ZBTB4: variants seen among roughly 807,000 people sequenced by gnomAD.
The protein encoded by ZBTB4 is zinc finger and BTB domain containing 4, also known as zinc finger and BTB domain-containing protein 4.
In ZBTB4, 14 loss-of-function variants were observed where a neutral mutation model predicts 59.8. That is an observed-to-expected ratio of 0.23 (90% confidence interval 0.15 to 0.37). ZBTB4 has a LOEUF of 0.37. ZBTB4 is among the 10% of genes least tolerant of loss of function. The pLI is 1.00. For missense variants in ZBTB4, 1,198 were observed against 1,380.8 expected (o/e 0.87, Z 2.10); for synonymous variants, 587 against 575.2 (o/e 1.02, Z -0.29).
At chr17:7,467,398 T>C (rs765601454) in intron 1 of ZBTB4, 71 bp from the exon 2 acceptor site, 2 of 387,464 alleles carry the variant, frequency 5.2e-6, no homozygotes, top group South Asian at 2.1e-4. Context: ...AGGAGGGAAG[T>C]GAGAGGAAAA....
Position 7,461,888 on chromosome 17 carries a change from G to A in ZBTB4, c.*52C>T. On this transcript the variant is annotated 3_prime_UTR_variant, in exon 4 of 4. Transcript: ENST00000380599. ...GGGAGGCCAGGGAGCTGGTAGTGGT[G>A]GGGGGTTCAGGGAGGGTGGCATCTG... 2 of 1,459,494 alleles carry A rather than the reference G, an allele frequency of 1.4e-6. No individual in the cohort carries two copies. The highest frequency in any genetic ancestry group is 1.8e-6 in the Non-Finnish European group (2 of 1,084,100). The allele number at this position is 1,459,494 out of a possible 1,614,324, so 90.4% of individuals were successfully genotyped here. A position where few individuals can be genotyped will look rare whatever the true frequency, so the allele number is the denominator to read the frequency against.
chr17:7,481,846 T>C, upstream of ZBTB4: 1 of 1,240,468 alleles, frequency 8.1e-7, no homozygotes, highest in South Asian at 1.6e-5. Context: ...TTAGGCCCTT[T>C]CTAGCTCCGA....
intron 2 of ZBTB4, 173 bp downstream of exon 2, chr17:7,467,084 C>T: frequency 2.3e-6 from 2 of 881,134 alleles, no homozygotes; most frequent in Non-Finnish European, 2.7e-6. Flanking sequence ...TCTGAAGTCA[C>T]AGACTAGAGA....
rs1445135493 is a variant in ZBTB4 at position 7,462,837 on chromosome 17, G to A, written c.2145C>T (p.Ser715=). 2 of 1,603,358 alleles carry A rather than the reference G, an allele frequency of 1.2e-6. No homozygotes were observed. Among genetic ancestry groups the A allele is most frequent in the South Asian group, 1.1e-5 (1 of 91,062 alleles). The stretch of plus-strand genomic sequence containing the variant: ...GCTCTGTGCGGGCACGTCCCGCTGG[G>A]CTCTCGGCCGCTGGGGTTTCCTCCC... ...RSWEETPAAE[S]PAGRARTERR... Residue 715 remains serine, a synonymous_variant, in exon 4 of 4, where the codon AGC becomes AGT. Transcript: ENST00000380599. This position sits in a 1 kb window ranked among gnomAD's most constrained non-coding sequence, Gnocchi z 7.5.
At position 7,466,487 on chromosome 17, in the gene ZBTB4, A is replaced by G. The variant is rs2070126790; in HGVS notation, c.315T>C (p.Ser105=). 2.5e-6 allele frequency: 4 copies of G among 1,590,616 alleles called. No individual in the cohort carries two copies. The highest frequency in any genetic ancestry group is 3.4e-6 in the Non-Finnish European group (4 of 1,167,384). ...SSSSSSASSS[S]SSSSSSPPPA... ...GAGGGGGAGAGGAAGAGGAAGAGGA[A>G]GAAGAAGAAGAAGCAGAGGAGGAAG... Residue 105 remains serine, a synonymous_variant, in exon 3 of 4, where the codon TCT becomes TCC. Coordinates refer to ENST00000380599, the MANE Select transcript of ZBTB4 (RefSeq NM_001128833.2). The surrounding 1 kb of genome is among the most constrained non-coding windows in gnomAD (Gnocchi z 9.1).
intron 3 of ZBTB4, among the ~76,000 whole-genome samples, chr17:7,464,279 T>C (rs944670903): frequency 5.9e-5 from 9 of 152,166 alleles, no homozygotes; most frequent in Non-Finnish European, 1.3e-4. Context: ...TCTCTTTCCT[T>C]CTAGGCCTTC....
chr17:7,474,066 G>A (rs2070235473), intron 1 of ZBTB4, among the ~76,000 whole-genome samples: 1 of 151,912 alleles, frequency 6.6e-6, no homozygotes, highest in African/African-American at 2.4e-5. Context: ...ACAGGCATAT[G>A]CCACCACACC....
upstream of ZBTB4, chr17:7,482,775 T>C (rs2070363225): frequency 6.2e-7 from 1 of 1,612,062 alleles, no homozygotes; most frequent in Non-Finnish European, 8.5e-7. Flanking sequence ...ATCCTCGCCT[T>C]GGTCTCCTTC....
rs562049673 is a variant in ZBTB4, at chr17:7,471,723, G to A, written c.-80-4396C>T. ...CTGTATCTGTTTCTTTGTCCATACG[G>A]TGGGGACAATTAATAGTTCCTACCT... On this transcript the variant is annotated intron_variant, in intron 1 of 3. Coordinates refer to ENST00000380599, the MANE Select transcript of ZBTB4 (RefSeq NM_001128833.2). Among the ~76,000 whole-genome samples, 3 of 152,318 alleles carry A rather than the reference G, an allele frequency of 2.0e-5. No individual in the cohort carries two copies. In the South Asian group the frequency reaches 6.2e-4, roughly 32 times the overall value.
chr17:7,463,151 C>T lies in ZBTB4; in HGVS notation c.1831G>A (p.Glu611Lys). 1 of 1,608,080 alleles carries T rather than the reference C, an allele frequency of 6.2e-7. No homozygotes were observed. The highest frequency in any genetic ancestry group is 8.5e-7 in the Non-Finnish European group (1 of 1,178,874). The change falls in exon 4 of 4, where the codon GAG (glutamate) becomes AAG (lysine). Residue 611 changes from glutamate to lysine, a missense_variant. Coordinates refer to ENST00000380599, the MANE Select transcript of ZBTB4 (RefSeq NM_001128833.2). ...LCQITVRIGE[E>K]AIVKRRISET... ...GAGATGCGGCGCTTGACGATGGCCT[C>T]CTCCCCTATTCGCACAGTGATCTGA...
chr17:7,470,744 G>A (rs1293245898), intron 1 of ZBTB4, among the ~76,000 whole-genome samples: 1 of 152,124 alleles, frequency 6.6e-6, no homozygotes, highest in Non-Finnish European at 1.5e-5. Flanking sequence ...ATGCTAGGTA[G>A]CTGGCCCAAG....
intron 1 of ZBTB4, among the ~76,000 whole-genome samples, chr17:7,475,986 C>T (rs1463851716): frequency 6.6e-6 from 1 of 152,212 alleles, no homozygotes; most frequent in East Asian, 1.9e-4. Context: ...TCTGACTCCA[C>T]CCTTTCCCTC....
In ZBTB4 at chr17:7,465,917, G is replaced by C. The variant is rs748035794; in HGVS notation, c.885C>G (p.Gly295=). The C allele has an allele frequency of 2.5e-6, 4 of 1,610,922 alleles. No homozygotes were observed. In the Admixed American group the frequency reaches 6.7e-5, roughly 27 times the overall value. ...CCACCACCTTCACCACGTGCTCGGG[G>C]CCCCCTCGGAAGCCCACTGGTGGAG... ...ALPPPVGFRG[G]PEHVVKVVGG... is the part of the protein sequence containing the mutation. Residue 295 remains glycine (G), a synonymous_variant, in exon 3 of 4, where the codon GGC becomes GGG. Coordinates refer to ENST00000380599, the MANE Select transcript of ZBTB4 (RefSeq NM_001128833.2).
chr17:7,477,408 G>T (rs2150865850), intron 1 of ZBTB4, among the ~76,000 whole-genome samples: 1 of 152,296 alleles, frequency 6.6e-6, no homozygotes, highest in South Asian at 2.1e-4. Context: ...CTCTTCACCA[G>T]ACCGTCACTG....
Position 7,463,188 on chromosome 17 carries a change from T to C in ZBTB4, c.1794A>G (p.Pro598=), listed in dbSNP as rs535265051. The change falls in exon 4 of 4, where the codon CCA becomes CCG. Residue 598 remains proline (P), a synonymous_variant. Coordinates refer to ENST00000380599, the MANE Select transcript of ZBTB4 (RefSeq NM_001128833.2). ...GCACAGTGATCTGACACAGTGGAGG[T>C]GGAGCCTGCAGCTGAGAGGGGCCCC... is the stretch of plus-strand genomic sequence containing the variant. ...AGRGPSQLQA[P]PPLCQITVRI... is the part of the protein sequence containing the mutation. 1.7e-5 allele frequency: 27 copies of C among 1,607,328 alleles called. No individual in the cohort carries two copies. The South Asian group carries it at 2.7e-4, about 16-fold the overall frequency.
upstream of ZBTB4, chr17:7,481,397 A>C: frequency 1.5e-6 from 2 of 1,300,072 alleles, no homozygotes; most frequent in Non-Finnish European, 2.0e-6. Flanking sequence ...TAGGCGTGCT[A>C]CCACCTCAGG....
chr17:7,463,777 T>C lies in ZBTB4; in HGVS notation c.1205A>G (p.Asn402Ser), dbSNP rs1338689473. Reference sequence around the variant, plus strand: ...ATTGAGCTTGGGCTTGTAGCCTCCATTGGGTGTCTTCTCACTGGCAAGGAG... The same window carrying C: ...ATTGAGCTTGGGCTTGTAGCCTCCACTGGGTGTCTTCTCACTGGCAAGGAG... The part of the protein sequence containing the change: ...PGLLASEKTP[N>S]GGYKPKLNTL... Residue 402 changes from asparagine to serine, a missense_variant, in exon 4 of 4, where the codon AAT becomes AGT. By Grantham distance (46) the Asn-to-Ser change is conservative (BLOSUM62 1). This residue lies in a region of ZBTB4 where 60 missense variants were observed against 93.0 expected (regional missense o/e 0.64). Coordinates refer to ENST00000380599, the MANE Select transcript of ZBTB4 (RefSeq NM_001128833.2). The C allele has an allele frequency of 1.2e-6, 2 of 1,614,008 alleles. No homozygotes were observed. The highest frequency in any genetic ancestry group is 1.3e-5 in the African/African-American group (1 of 74,934).
upstream of ZBTB4, chr17:7,481,914 T>A: frequency 1.3e-6 from 2 of 1,525,126 alleles, no homozygotes; most frequent in Non-Finnish European, 1.8e-6. Context: ...CCAGACCCCA[T>A]CCTGGCATCT....
intron 1 of ZBTB4, among the ~76,000 whole-genome samples, chr17:7,476,487 A>T (rs1003503005): frequency 6.6e-6 from 1 of 152,196 alleles, no homozygotes; most frequent in African/African-American, 2.4e-5. Flanking sequence ...GTTTCTAAAC[A>T]AATGAACAAA....
Sources: allele counts gnomAD v4.1 joint callset (sites outside exome capture counted in the v4.1 genomes callset), GRCh38; gene constraint gnomAD v4.1.1; regional missense constraint gnomAD v4.1.1; non-coding constraint Gnocchi (gnomAD v3.1); transcripts MANE v1.5; gene names NCBI Gene and HGNC (gene_info 2026-07-23, HGNC 2026-07-21).